The following GPM6B variants were observed in gnomAD, a reference collection of about 807,000 sequenced individuals.
The protein encoded by GPM6B is glycoprotein M6B, also known as neuronal membrane glycoprotein M6-b.
Under a neutral mutation model 27.2 loss-of-function variants are expected in GPM6B, and 4 were observed. The ratio of observed to expected loss-of-function variants is 0.15; its 90% CI spans 0.07 to 0.34. The LOEUF (loss-of-function observed/expected upper bound fraction) is 0.34. Ranked by LOEUF, GPM6B falls within the 10% of genes least tolerant of loss-of-function variation. GPM6B has a pLI of 1.00. For missense variants in GPM6B, 183 were observed against 261.9 expected, an observed-to-expected ratio of 0.70 and a Z score of 2.08; for synonymous variants, 124 against 103.1, an observed-to-expected ratio of 1.20 and a Z score of -1.23.
intron 1 of GPM6B, among the ~76,000 whole-genome samples, chrX:13,893,043 T>A (rs779934372): frequency 2.7e-5 from 3 of 111,493 alleles, no homozygotes; most frequent in Admixed American, 9.6e-5. Context: ...AACAAATACA[T>A]AATAAACATT....
At chrX:13,831,074 G>A (rs1037164061) in intron 1 of GPM6B, among the ~76,000 whole-genome samples, 1 of 109,791 alleles carries the variant, frequency 9.1e-6, no homozygotes, top group African/African-American at 3.3e-5. Context: ...TCCCCTTACT[G>A]GCTCAATGAC....
chrX:13,772,400 C>T lies in GPM6B; in HGVS notation c.*481G>A, dbSNP rs41302641. 1 of 112,827 alleles carries T rather than the reference C, an allele frequency of 8.9e-6. No homozygotes were observed. Among genetic ancestry groups the T allele is most frequent in the Non-Finnish European group, 1.9e-5 (1 of 53,654 alleles). 9.3% of individuals were successfully genotyped at this position (112,827 alleles called of 1,213,427 possible). A position where few individuals can be genotyped will look rare whatever the true frequency, so the allele number is the denominator to read the frequency against. ...CTTTGATCCAAAGTTTAATAAATGT[C>T]AGCTGTCAGAAATGGAACTTTACAT... On this transcript the variant is annotated 3_prime_UTR_variant, in exon 8 of 8. Transcript: ENST00000316715.
At chrX:13,887,455 G>A (rs1413648926) in intron 1 of GPM6B, among the ~76,000 whole-genome samples, 2 of 111,870 alleles carry the variant, frequency 1.8e-5, no homozygotes, top group African/African-American at 6.5e-5. Context: ...AAGCCCACCA[G>A]TCTGTTTTTA....
upstream of GPM6B, chrX:13,817,217 G>C: frequency 3.5e-6 from 3 of 849,747 alleles, no homozygotes; most frequent in Non-Finnish European, 4.3e-6. Context: ...TCCAGTGGGA[G>C]TTGGGGGTAG....
intron 6 of GPM6B, 75 bp downstream of exon 6, chrX:13,777,277 C>T: frequency 2.8e-6 from 2 of 723,079 alleles, no homozygotes; most frequent in Non-Finnish European, 4.4e-6. Context: ...ATCTCTCTCG[C>T]TCTTTCTACA....
chrX:13,805,992 CTTTT>C (rs560339343), intron 2 of GPM6B, among the ~76,000 whole-genome samples: 16 of 108,639 alleles, frequency 1.5e-4, no homozygotes, highest in African/African-American at 4.4e-4. Flanking sequence ...TTTTTTGCTG[CTTTT>C]TTTTTCAAAA....
chrX:13,936,775 C>T (rs1225124084), intron 1 of GPM6B, among the ~76,000 whole-genome samples: 4 of 112,025 alleles, frequency 3.6e-5, no homozygotes, highest in Non-Finnish European at 7.5e-5. Flanking sequence ...CTGGCTCGGG[C>T]CTTTGCTTCA....
chrX:13,804,507 G>A (rs908139769), intron 2 of GPM6B, among the ~76,000 whole-genome samples: 13 of 109,928 alleles, frequency 1.2e-4, no homozygotes, highest in Non-Finnish European at 2.3e-4. Flanking sequence ...CATGTCCAAC[G>A]CAGCTAAAAA....
At chrX:13,811,844 CAGCT>C (rs775946348) in intron 1 of GPM6B, among the ~76,000 whole-genome samples, 8 of 111,101 alleles carry the variant, frequency 7.2e-5, no homozygotes, top group Non-Finnish European at 1.3e-4. Context: ...AAATATCACT[CAGCT>C]GGCTAAGGAT....
At chrX:13,820,542 T>A (rs2049296563), upstream of GPM6B, among the ~76,000 whole-genome samples, 2 of 110,719 alleles carry the variant, frequency 1.8e-5, no homozygotes, top group Admixed American at 1.9e-4. Context: ...GAGTCTTCAG[T>A]GTGGAGGCAG....
intron 1 of GPM6B, among the ~76,000 whole-genome samples, chrX:13,856,481 C>T (rs1414559024): frequency 8.9e-6 from 1 of 111,833 alleles, no homozygotes; most frequent in Non-Finnish European, 1.9e-5. Context: ...ACAAGATCCC[C>T]AGGTGGTCCT....
At chrX:13,936,672 CAGTGA>C (rs1921856399) in intron 1 of GPM6B, among the ~76,000 whole-genome samples, 1 of 112,116 alleles carries the variant, frequency 8.9e-6, no homozygotes, top group Non-Finnish European at 1.9e-5. Flanking sequence ...CTGCCAGAAC[CAGTGA>C]AGTATGCACA....
At chrX:13,853,590 C>CAAAAAAAAA (rs66531403) in intron 1 of GPM6B, among the ~76,000 whole-genome samples, 1 of 38,562 alleles carries the variant, frequency 2.6e-5, no homozygotes, top group Non-Finnish European at 4.3e-5. Context: ...GACACCACCT[C>CAAAAAAAAA]AAAAAAAAAA....
chrX:13,899,107 T>G (rs1455230036), intron 1 of GPM6B, among the ~76,000 whole-genome samples: 3 of 110,747 alleles, frequency 2.7e-5, no homozygotes, highest in Non-Finnish European at 5.7e-5. Flanking sequence ...GCAGTGTATC[T>G]GGGGTGTTAA....
At chrX:13,897,313 C>T (rs1314244342) in intron 1 of GPM6B, among the ~76,000 whole-genome samples, 1 of 112,162 alleles carries the variant, frequency 8.9e-6, no homozygotes, top group African/African-American at 3.2e-5. Context: ...TCTTCCAAGA[C>T]AGACTGTGGT....
At chrX:13,912,038 C>A (rs751762622) in intron 1 of GPM6B, among the ~76,000 whole-genome samples, 1 of 111,692 alleles carries the variant, frequency 9.0e-6, no homozygotes, top group Non-Finnish European at 1.9e-5. Context: ...TACCACCAGA[C>A]GCCCTTCCCC....
rs200060208 is a variant in GPM6B at position 13,849,754 on chromosome X, TG to T, written c.-197-63947del. 3.8e-5 allele frequency among the ~76,000 whole-genome samples: 4 copies of T among 106,258 alleles called. No individual in the cohort carries two copies. The South Asian group carries it at 1.3e-3, about 35-fold the overall frequency. 92.3% of individuals were successfully genotyped at this position (106,258 alleles called of 115,157 possible). A position where few individuals can be genotyped will look rare whatever the true frequency, so the allele number is the denominator to read the frequency against. ...TTTTTAATATATGTTATTTTGGGGG[TG>T]GGGGGGAGAGTAATAAAATATAGGC... On this transcript the variant is annotated intron_variant, in intron 1 of 6. Coordinates refer to the GPM6B transcript ENST00000398361.
chrX:13,832,230 C>T (rs1431125402), intron 1 of GPM6B, among the ~76,000 whole-genome samples: 1 of 111,562 alleles, frequency 9.0e-6, no homozygotes, highest in Non-Finnish European at 1.9e-5. Context: ...AAGCTACCTA[C>T]TCAAATGAAG....
chrX:13,811,993 G>A (rs774940993), intron 1 of GPM6B, among the ~76,000 whole-genome samples: 4 of 108,862 alleles, frequency 3.7e-5, no homozygotes, highest in Non-Finnish European at 7.6e-5. Flanking sequence ...TGTAACGTGA[G>A]CTGAAGGGAC....
Sources: gnomAD v4.1 joint callset for allele counts (sites outside exome capture counted in the v4.1 genomes callset) on GRCh38, gnomAD v4.1.1 for gene constraint, MANE v1.5 for transcripts, NCBI Gene and HGNC (gene_info 2026-07-23, HGNC 2026-07-21) for gene names.